GRID2: variants seen among roughly 807,000 people sequenced by gnomAD.
The protein encoded by GRID2 is glutamate ionotropic receptor delta type subunit 2.
In GRID2, 33 loss-of-function variants were observed where a neutral mutation model predicts 114.8. That is an observed-to-expected ratio of 0.29 (90% CI 0.22 to 0.38). The LOEUF (loss-of-function observed/expected upper bound fraction) is 0.38, where lower values mean the gene tolerates loss of function less well. GRID2 is among the 10% of genes least tolerant of loss of function. The pLI is 1.00. For missense variants in GRID2, 1,184 were observed against 1,257.7 expected (o/e 0.94, Z 0.89); for synonymous variants, 505 against 449.9 (o/e 1.12, Z -1.55).
At chr4:93,799,347 C>G (rs940497622) in intron 1 of GRID2, among the ~76,000 whole-genome samples, 1 of 152,048 alleles carries the variant, frequency 6.6e-6, no homozygotes, top group Admixed American at 6.6e-5. Flanking sequence ...AAGACTGCTT[C>G]TTTTGTAAAA....
At chr4:93,409,949 C>A (rs1340682851) in intron 9 of GRID2, among the ~76,000 whole-genome samples, 2 of 152,064 alleles carry the variant, frequency 1.3e-5, no homozygotes, top group South Asian at 2.1e-4. Flanking sequence ...AGAGAGAGAT[C>A]GACAGAGTCA....
At chr4:93,435,280 C>A (rs1330786973) in intron 10 of GRID2, among the ~76,000 whole-genome samples, 1 of 152,164 alleles carries the variant, frequency 6.6e-6, no homozygotes, top group Non-Finnish European at 1.5e-5. Flanking sequence ...TAATTAATAA[C>A]CATTCAATGG....
intron 14 of GRID2, among the ~76,000 whole-genome samples, chr4:93,652,991 G>A (rs1036777382): frequency 3.3e-5 from 5 of 151,984 alleles, no homozygotes; most frequent in African/African-American, 1.2e-4. Flanking sequence ...ATGAAGGGAT[G>A]CCACCAGAGG....
At chr4:92,947,852 A>T (rs1751754173) in intron 2 of GRID2, among the ~76,000 whole-genome samples, 1 of 151,900 alleles carries the variant, frequency 6.6e-6, no homozygotes. Context: ...CAGTATTTTT[A>T]TTATGTCCAG....
At chr4:93,460,285 C>A (rs1289465109) in intron 11 of GRID2, among the ~76,000 whole-genome samples, 2 of 152,154 alleles carry the variant, frequency 1.3e-5, no homozygotes, top group Non-Finnish European at 2.9e-5. Context: ...TCTTACCATT[C>A]GTGCCTCACA....
At chr4:93,161,263 C>A (rs766428598) in intron 4 of GRID2, among the ~76,000 whole-genome samples, 1 of 151,858 alleles carries the variant, frequency 6.6e-6, no homozygotes, top group Non-Finnish European at 1.5e-5. Context: ...ATTTTGACCT[C>A]TTAGAAATCA....
intron 2 of GRID2, among the ~76,000 whole-genome samples, chr4:92,837,369 C>G (rs61074483): frequency 6.6e-6 from 1 of 151,592 alleles, no homozygotes; most frequent in Non-Finnish European, 1.5e-5. Context: ...AACAAGTCTC[C>G]GTGAAACTAT....
At chr4:92,424,392 C>A (rs780458368) in intron 1 of GRID2, among the ~76,000 whole-genome samples, 1 of 151,922 alleles carries the variant, frequency 6.6e-6, no homozygotes, top group Non-Finnish European at 1.5e-5. Flanking sequence ...TCCCTGTGAT[C>A]GTAGTTGATA....
At chr4:92,433,341 C>A (rs551751358) in intron 1 of GRID2, among the ~76,000 whole-genome samples, 1 of 152,198 alleles carries the variant, frequency 6.6e-6, no homozygotes, top group African/African-American at 2.4e-5. Flanking sequence ...GCAGTCCTTG[C>A]GGCCTAGACC....
intron 8 of GRID2, among the ~76,000 whole-genome samples, chr4:93,379,371 T>G (rs1332970065): frequency 1.3e-5 from 2 of 152,110 alleles, no homozygotes; most frequent in Non-Finnish European, 2.9e-5. Context: ...CTCCCTCTGA[T>G]TTTACTACGT....
intron 2 of GRID2, among the ~76,000 whole-genome samples, chr4:92,600,763 C>T (rs895795845): frequency 3.3e-5 from 5 of 152,200 alleles, no homozygotes; most frequent in African/African-American, 4.8e-5. Context: ...CTCCTTCCTC[C>T]GGGATCTCCG....
At chr4:92,517,644 CTG>C (rs1402613594) in intron 1 of GRID2, among the ~76,000 whole-genome samples, 1 of 151,876 alleles carries the variant, frequency 6.6e-6, no homozygotes, top group Non-Finnish European at 1.5e-5. Context: ...ATTCAGAAGA[CTG>C]TGCCTTCAGT....
chr4:92,670,891 T>G (rs7676295), intron 2 of GRID2, among the ~76,000 whole-genome samples: 1,650 of 152,220 alleles, frequency 0.011, 13 homozygotes, highest in Non-Finnish European at 0.018. Flanking sequence ...TGTCAATTAC[T>G]GTACTTTAAA....
Position 92,676,970 on chromosome 4 carries a change from A to G in GRID2, c.244+86684A>G, listed in dbSNP as rs568442477. On this transcript the variant is annotated intron_variant, in intron 2 of 15. Transcript: ENST00000282020. Reference sequence around the variant, plus strand: ...AAGTGAGGAAATTCTGACACATGCTAAAATACGAATTAATCTTGAAGACAT... The same window carrying G: ...AAGTGAGGAAATTCTGACACATGCTGAAATACGAATTAATCTTGAAGACAT... Among the ~76,000 whole-genome samples the G allele has an allele frequency of 4.6e-5, 7 of 152,308 alleles. No individual in the cohort carries two copies. In the East Asian group the frequency reaches 1.2e-3, roughly 25 times the overall value.
chr4:93,301,972 T>A (rs1267910160), intron 8 of GRID2, among the ~76,000 whole-genome samples: 2 of 152,140 alleles, frequency 1.3e-5, no homozygotes, highest in Non-Finnish European at 2.9e-5. Flanking sequence ...TATACAAAGA[T>A]GTCGCTAAGT....
At chr4:93,207,362 A>G in intron 4 of GRID2, 42 bp from the exon 5 acceptor site, 1 of 1,381,766 alleles carries the variant, frequency 7.2e-7, no homozygotes, top group Non-Finnish European at 1.0e-6. Flanking sequence ...TTTGTTTTGC[A>G]TGATTAATTT....
chr4:93,705,153 G>A (rs191648172), intron 14 of GRID2, among the ~76,000 whole-genome samples: 98 of 152,150 alleles, frequency 6.4e-4, no homozygotes, highest in African/African-American at 2.1e-3. Flanking sequence ...TTTTAACTGG[G>A]GGTGCAACGG....
At chr4:93,357,051 T>C (rs1014235762) in intron 8 of GRID2, among the ~76,000 whole-genome samples, 1 of 151,722 alleles carries the variant, frequency 6.6e-6, no homozygotes, top group Non-Finnish European at 1.5e-5. Flanking sequence ...CAATTTTTTT[T>C]ATGTTTTTAT....
intron 2 of GRID2, among the ~76,000 whole-genome samples, chr4:92,899,138 TA>T (rs1458668557): frequency 6.6e-6 from 1 of 152,132 alleles, no homozygotes; most frequent in Non-Finnish European, 1.5e-5. Flanking sequence ...TCAATTCTGT[TA>T]AATGGTCAAA....
Sources: gnomAD v4.1 joint callset for allele counts (sites outside exome capture counted in the v4.1 genomes callset) on GRCh38, gnomAD v4.1.1 for gene constraint, MANE v1.5 for transcripts, NCBI Gene and HGNC (gene_info 2026-07-23, HGNC 2026-07-21) for gene names.